EFCAB12: variants seen among roughly 807,000 people sequenced by gnomAD.
The protein encoded by EFCAB12 is EF-hand calcium binding domain 12.
A neutral mutation model predicts 53.6 loss-of-function variants in EFCAB12; 43 were observed. The observed-to-expected ratio is 0.80, with a 90% CI of 0.63 to 1.03. The LOEUF (loss-of-function observed/expected upper bound fraction) is 1.03. Ranked by LOEUF, EFCAB12 falls within the 50% of genes least tolerant of loss-of-function variation. EFCAB12 has a pLI of 0.00. For synonymous variants in EFCAB12, 269 were observed against 289.2 expected (o/e 0.93, Z 0.71); for missense variants, 646 against 730.6 (o/e 0.88, Z 1.34).
rs752560713 is a variant in EFCAB12, at chr3:129,402,560, T to C, written c.1423A>G (p.Lys475Glu). Residue 475 changes from lysine (K) to glutamate (E), a missense_variant, in exon 8 of 9, where the codon AAG becomes GAG. Coordinates refer to ENST00000505956, the MANE Select transcript of EFCAB12 (RefSeq NM_207307.3). ...RTDKKTPKKS[K>E]KMRFKEFEEF... ...TCAAACTCCTTAAAGCGCATTTTCT[T>C]GCTTTTCTTTGGCGTTTTCCTAGTG... 4 of 1,612,914 alleles carry C rather than the reference T, an allele frequency of 2.5e-6. No individual in the cohort carries two copies. Among genetic ancestry groups the C allele is most frequent in the South Asian group, 1.1e-5 (1 of 90,832 alleles).
chr3:129,418,623 CT>C (rs1577049423), intron 2 of EFCAB12, 175 bp from the exon 3 acceptor site: 1 of 475,766 alleles, frequency 2.1e-6, no homozygotes, highest in African/African-American at 2.0e-5. Context: ...GCCTGGGAGA[CT>C]TTGCTTCTCT....
chr3:129,427,644 C>T (rs1405303063), intron 1 of EFCAB12, among the ~76,000 whole-genome samples: 1 of 152,178 alleles, frequency 6.6e-6, no homozygotes, highest in Non-Finnish European at 1.5e-5. Context: ...GCTGGAGAAG[C>T]GGCATGGAGA....
In EFCAB12 at chr3:129,418,244, T is replaced by A; in HGVS notation, c.681+10A>T. 1 of 1,599,866 alleles carries A rather than the reference T, an allele frequency of 6.3e-7. No individual in the cohort carries two copies. The highest frequency in any genetic ancestry group is 8.5e-7 in the Non-Finnish European group (1 of 1,171,584). ...CTTAGGCCCATCCAGAGAAAGCAGGTGGCACTTACTGCCTTTACAGCCGCG... is the reference window on the plus strand; with the variant it reads ...CTTAGGCCCATCCAGAGAAAGCAGGAGGCACTTACTGCCTTTACAGCCGCG... On this transcript the variant is annotated intron_variant, in intron 3 of 8. Coordinates refer to ENST00000505956, the MANE Select transcript of EFCAB12 (RefSeq NM_207307.3).
intron 1 of EFCAB12, among the ~76,000 whole-genome samples, chr3:129,422,687 G>A (rs2072204669): frequency 6.6e-6 from 1 of 152,134 alleles, no homozygotes; most frequent in Non-Finnish European, 1.5e-5. Flanking sequence ...GCTGAAAACT[G>A]GTGGCCCTCA....
At chr3:129,427,360 G>C (rs1031281544) in intron 1 of EFCAB12, among the ~76,000 whole-genome samples, 1 of 127,664 alleles carries the variant, frequency 7.8e-6, no homozygotes, top group African/African-American at 4.6e-5. Flanking sequence ...CACTAACTGG[G>C]TCCTCTGAGT....
At chr3:129,418,542 G>C (rs545830296) in intron 2 of EFCAB12, 94 bp from the exon 3 acceptor site, 4 of 1,189,782 alleles carry the variant, frequency 3.4e-6, no homozygotes, top group East Asian at 2.6e-5. Flanking sequence ...AGGAGAGGAC[G>C]AGCAGCTCTA....
chr3:129,404,589 T>G (rs2071923876), intron 6 of EFCAB12, among the ~76,000 whole-genome samples, 186 bp from the exon 7 acceptor site: 1 of 151,614 alleles, frequency 6.6e-6, no homozygotes, highest in South Asian at 2.1e-4. Flanking sequence ...GCAAAAATAC[T>G]GCAGAGGGGT....
At chr3:129,422,228 T>A (rs963582669) in intron 1 of EFCAB12, among the ~76,000 whole-genome samples, 1 of 152,218 alleles carries the variant, frequency 6.6e-6, no homozygotes, top group Non-Finnish European at 1.5e-5. Flanking sequence ...AACTTCTCTG[T>A]CTCAACCTCC....
At position 129,401,812 on chromosome 3, in the gene EFCAB12, T is replaced by C. The variant is rs568898408; in HGVS notation, c.1500A>G (p.Thr500=). 8.7e-6 allele frequency: 14 copies of C among 1,613,304 alleles called. No homozygotes were observed. The Admixed American group carries it at 1.5e-4, about 17-fold the overall frequency. ...KVKRSSGLQQ[T]HPNSFWPGHL... ...GACCCGGCCAGAAGGAATTGGGGTG[T>C]GTTTGCTGCAGACCACTGGACCTCT... is the stretch of plus-strand genomic sequence containing the variant. The change falls in exon 9 of 9, where the codon ACA becomes ACG. Residue 500 remains threonine (T), a synonymous_variant. Transcript: ENST00000505956.
chr3:129,402,020 C>T (rs560301377), intron 8 of EFCAB12, among the ~76,000 whole-genome samples, 169 bp from the exon 9 acceptor site: 2 of 152,348 alleles, frequency 1.3e-5, no homozygotes, highest in South Asian at 2.1e-4. Flanking sequence ...GTTATCCTGT[C>T]GACCTCACCT....
At chr3:129,406,381 C>T (rs985580279) in intron 6 of EFCAB12, among the ~76,000 whole-genome samples, 2 of 152,212 alleles carry the variant, frequency 1.3e-5, no homozygotes, top group African/African-American at 4.8e-5. Flanking sequence ...CAGCCTCTGA[C>T]CACATTCCCC....
intron 1 of EFCAB12, among the ~76,000 whole-genome samples, chr3:129,424,433 T>G (rs556425276): frequency 2.6e-5 from 4 of 152,098 alleles, no homozygotes; most frequent in African/African-American, 4.8e-5. Context: ...GCATAGCACC[T>G]CCCCCTGCTC....
At chr3:129,408,969 G>T in intron 5 of EFCAB12, 111 bp from the exon 6 acceptor site, 1 of 1,255,160 alleles carries the variant, frequency 8.0e-7, no homozygotes. Flanking sequence ...AGGTCCCCAT[G>T]AGGGGTGATG....
Position 129,421,455 on chromosome 3 carries a change from G to C in EFCAB12, c.398C>G (p.Thr133Arg). Residue 133 changes from threonine (T) to arginine (R), a missense_variant, in exon 2 of 9, where the codon ACG becomes AGG. Physicochemically the swap from Thr to Arg is moderately conservative, Grantham distance 71 (BLOSUM62 -1). Transcript: ENST00000505956. ...GTGTAAGACCTTGGCCTCTGAAGGC[G>C]TGATGCTGGGCTTGTTCTCCAGCCA... The part of the protein sequence containing the change: ...KRWLENKPSI[T>R]PSEAKVLHMI... The C allele has an allele frequency of 6.2e-7, 1 of 1,614,026 alleles. No individual in the cohort carries two copies. Among genetic ancestry groups the C allele is most frequent in the Non-Finnish European group, 8.5e-7 (1 of 1,179,896 alleles).
chr3:129,421,761 A>G lies in EFCAB12; in HGVS notation c.92T>C (p.Val31Ala). Residue 31 changes from valine to alanine, a missense_variant, in exon 2 of 9, where the codon GTC becomes GCC. Transcript: ENST00000505956. Reference sequence around the variant, plus strand: ...GGCAATGACCGGTTCAGGATCAAAGACGGGAGCATTTTCATTGATGGGAGT... The same window carrying G: ...GGCAATGACCGGTTCAGGATCAAAGGCGGGAGCATTTTCATTGATGGGAGT... ...SKTPINENAP[V>A]FDPEPVIAHC... The G allele has an allele frequency of 6.2e-7, 1 of 1,613,480 alleles. No individual in the cohort carries two copies. The highest frequency in any genetic ancestry group is 8.5e-7 in the Non-Finnish European group (1 of 1,179,588).
chr3:129,405,782 A>G (rs1438839741), intron 6 of EFCAB12, among the ~76,000 whole-genome samples: 1 of 152,160 alleles, frequency 6.6e-6, no homozygotes, highest in Non-Finnish European at 1.5e-5. Context: ...TGTCATAAAG[A>G]TACCGAATAG....
chr3:129,406,610 C>T (rs2071954821), intron 6 of EFCAB12, among the ~76,000 whole-genome samples: 1 of 152,060 alleles, frequency 6.6e-6, no homozygotes, highest in African/African-American at 2.4e-5. Context: ...TCAAGTGATC[C>T]TCCTACCTCA....
chr3:129,427,679 AG>A (rs1343558532), intron 1 of EFCAB12, among the ~76,000 whole-genome samples: 1 of 152,108 alleles, frequency 6.6e-6, no homozygotes, highest in Non-Finnish European at 1.5e-5. Flanking sequence ...CAAGCTTTAT[AG>A]CCCCCAGCTC....
Position 129,421,372 on chromosome 3 carries a change from T to G in EFCAB12, c.481A>C (p.Thr161Pro). The change falls in exon 2 of 9, where the codon ACC becomes CCC. Residue 161 changes from threonine (T) to proline (P), a missense_variant. Transcript: ENST00000505956. The part of the protein sequence containing the change: ...PNASQATTRT[T>P]RKKAPRLSRL... ...TGGCAAATGGGGCTGCTCACCCTGG[T>G]GGTCCTGGTAGTTGCCTGGGAGGCA... 6.2e-7 allele frequency: 1 copy of G among 1,603,692 alleles called. No homozygotes were observed. Among genetic ancestry groups the G allele is most frequent in the Non-Finnish European group, 8.5e-7 (1 of 1,172,350 alleles).
Sources: gnomAD v4.1 joint callset for allele counts (sites outside exome capture counted in the v4.1 genomes callset) on GRCh38, gnomAD v4.1.1 for gene constraint, MANE v1.5 for transcripts, NCBI Gene and HGNC (gene_info 2026-07-23, HGNC 2026-07-21) for gene names.